Variants in LGR5 observed in about 807,000 individuals in gnomAD.
LGR5 encodes the protein leucine rich repeat containing G protein-coupled receptor 5.
A neutral mutation model predicts 76.7 loss-of-function variants in LGR5; 54 were observed. The observed-to-expected ratio is 0.70, with a 90% CI of 0.57 to 0.88. The LOEUF (loss-of-function observed/expected upper bound fraction) is 0.88, where lower values mean the gene tolerates loss of function less well. Ranked by LOEUF, LGR5 falls within the 40% of genes least tolerant of loss-of-function variation. The pLI, the probability that LGR5 is intolerant of heterozygous loss-of-function variation, is 0.00. For synonymous variants in LGR5, 406 were observed against 421.9 expected (o/e 0.96, Z 0.46); for missense variants, 1,078 against 1,073.3 (o/e 1.00, Z -0.06).
At chr12:71,490,280 C>T (rs1276357098) in intron 1 of LGR5, among the ~76,000 whole-genome samples, 2 of 152,184 alleles carry the variant, frequency 1.3e-5, no homozygotes, top group Non-Finnish European at 2.9e-5. Context: ...TGAGTGGTTA[C>T]AGCATATTCT....
chr12:71,450,167 G>T (rs1011661847), intron 1 of LGR5, among the ~76,000 whole-genome samples: 6 of 152,176 alleles, frequency 3.9e-5, no homozygotes, highest in Non-Finnish European at 8.8e-5. Context: ...GAAAACCCCA[G>T]CCCAGTACTA....
chr12:71,465,454 C>A (rs1179431545), intron 1 of LGR5, among the ~76,000 whole-genome samples: 2 of 152,068 alleles, frequency 1.3e-5, no homozygotes, highest in Admixed American at 1.3e-4. Context: ...CCTTTCCTGT[C>A]TTTATCATAT....
intron 1 of LGR5, among the ~76,000 whole-genome samples, chr12:71,447,681 C>T (rs1381635997): frequency 6.6e-6 from 1 of 152,192 alleles, no homozygotes; most frequent in East Asian, 1.9e-4. Flanking sequence ...CACACTAATA[C>T]ACACACCAAC....
chr12:71,507,462 A>C (rs781333343), intron 2 of LGR5, among the ~76,000 whole-genome samples: 2 of 152,168 alleles, frequency 1.3e-5, no homozygotes, highest in Admixed American at 6.5e-5. Context: ...AATGTGAAAG[A>C]AAGCAATGAA....
intron 2 of LGR5, among the ~76,000 whole-genome samples, chr12:71,513,547 C>T (rs1875275635): frequency 6.6e-6 from 1 of 152,168 alleles, no homozygotes; most frequent in Non-Finnish European, 1.5e-5. Flanking sequence ...ATAGTGTGAG[C>T]AAATAACCTC....
chr12:71,506,461 C>T (rs529240989), intron 2 of LGR5, among the ~76,000 whole-genome samples: 158 of 152,136 alleles, frequency 1.0e-3, no homozygotes, highest in African/African-American at 3.3e-3. Context: ...TGTTCTAAGG[C>T]CAGTTTTTAA....
chr12:71,527,710 A>G (rs906227893), intron 3 of LGR5, among the ~76,000 whole-genome samples: 1 of 152,172 alleles, frequency 6.6e-6, no homozygotes, highest in Non-Finnish European at 1.5e-5. Context: ...AAAGGTCCCC[A>G]CCTCCCAACA....
At chr12:71,537,621 C>G (rs1292567770) in intron 4 of LGR5, among the ~76,000 whole-genome samples, 1 of 152,116 alleles carries the variant, frequency 6.6e-6, no homozygotes, top group African/African-American at 2.4e-5. Flanking sequence ...TATATTGTGC[C>G]CCTTTAAAGT....
At chr12:71,575,649 T>G (rs1432422339) in intron 13 of LGR5, among the ~76,000 whole-genome samples, 1 of 152,102 alleles carries the variant, frequency 6.6e-6, no homozygotes, top group East Asian at 1.9e-4. Flanking sequence ...AGGCAGGGTT[T>G]GCAGTGAGCT....
Position 71,469,099 on chromosome 12 carries a change from T to C in LGR5, c.212+28807T>C, listed in dbSNP as rs184666891. On this transcript the variant is annotated intron_variant, in intron 1 of 17. Coordinates refer to ENST00000266674, the MANE Select transcript of LGR5 (RefSeq NM_003667.4). ...TTTTAATGTGGAGATTATTTTCTAC[T>C]TCCAGAATGACTATGGGCACCATTT... is the stretch of plus-strand genomic sequence containing the variant. Among the ~76,000 whole-genome samples the C allele has an allele frequency of 1.6e-4, 24 of 152,350 alleles. 1 individual carries two copies. In the East Asian group the frequency reaches 4.4e-3, roughly 28 times the overall value.
At chr12:71,547,264 C>T (rs1877228865) in intron 4 of LGR5, among the ~76,000 whole-genome samples, 1 of 152,190 alleles carries the variant, frequency 6.6e-6, no homozygotes, top group African/African-American at 2.4e-5. Context: ...GATGTGCATC[C>T]TCTTTTCTCT....
At chr12:71,553,722 G>T (rs1384946258) in intron 5 of LGR5, among the ~76,000 whole-genome samples, 2 of 152,196 alleles carry the variant, frequency 1.3e-5, no homozygotes, top group African/African-American at 4.8e-5. Context: ...AACAAATGAT[G>T]TAACTGCTCA....
At chr12:71,487,219 C>A (rs1873868437) in intron 1 of LGR5, among the ~76,000 whole-genome samples, 1 of 152,134 alleles carries the variant, frequency 6.6e-6, no homozygotes, top group African/African-American at 2.4e-5. Flanking sequence ...AGAATAGGAA[C>A]AAAAATAATT....
chr12:71,583,337 C>G (rs1276424428), intron 17 of LGR5: 6 of 293,352 alleles, frequency 2.0e-5, no homozygotes, highest in Non-Finnish European at 3.8e-5. Context: ...TCCAGGAGAT[C>G]TGGCTTTTTA....
intron 1 of LGR5, among the ~76,000 whole-genome samples, chr12:71,475,836 A>G (rs998908431): frequency 4.0e-4 from 61 of 152,230 alleles, no homozygotes; most frequent in African/African-American, 1.3e-3. Context: ...TTATGGGAAT[A>G]TAGATTTTAT....
chr12:71,508,943 T>C (rs1177888478), intron 2 of LGR5, among the ~76,000 whole-genome samples: 1 of 152,072 alleles, frequency 6.6e-6, no homozygotes, highest in Non-Finnish European at 1.5e-5. Context: ...TTTAGTTTAG[T>C]TTTGCTTTGT....
intron 5 of LGR5, among the ~76,000 whole-genome samples, chr12:71,554,949 CTT>C (rs1402219298): frequency 6.6e-6 from 1 of 152,144 alleles, no homozygotes; most frequent in Non-Finnish European, 1.5e-5. Flanking sequence ...CTATTTCTCT[CTT>C]TGCTTCATGC....
intron 4 of LGR5, among the ~76,000 whole-genome samples, chr12:71,536,425 G>A (rs1010165864): frequency 6.6e-6 from 1 of 152,162 alleles, no homozygotes; most frequent in African/African-American, 2.4e-5. Context: ...GTTTTCACCA[G>A]CCTATAGATA....
At chr12:71,499,253 A>G (rs1402974680) in intron 1 of LGR5, among the ~76,000 whole-genome samples, 2 of 152,160 alleles carry the variant, frequency 1.3e-5, no homozygotes, top group African/African-American at 4.8e-5. Flanking sequence ...GATACAGGAT[A>G]TATCAAAGGA....
Sources: gnomAD v4.1 joint callset for allele counts (sites outside exome capture counted in the v4.1 genomes callset) on GRCh38, gnomAD v4.1.1 for gene constraint, MANE v1.5 for transcripts, NCBI Gene and HGNC (gene_info 2026-07-23, HGNC 2026-07-21) for gene names.